The following DENND2B variants were observed in gnomAD, a reference collection of about 807,000 sequenced individuals.
The protein encoded by DENND2B is DENN domain-containing protein 2B.
DENND2B carries 32 observed loss-of-function variants against 116.0 expected under a neutral mutation model. The observed-to-expected ratio is 0.28, with a 90% CI of 0.21 to 0.37. The LOEUF (loss-of-function observed/expected upper bound fraction) is 0.37. DENND2B is among the 10% of genes least tolerant of loss of function. The pLI, the probability that DENND2B is intolerant of heterozygous loss-of-function variation, is 1.00. For synonymous variants in DENND2B, 588 were observed against 583.9 expected, an observed-to-expected ratio of 1.01 and a Z score of -0.10; for missense variants, 1,276 against 1,477.7, an observed-to-expected ratio of 0.86 and a Z score of 2.24.
At chr11:8,871,354 A>G (rs2063778947) in exon 1 of DENND2B, 1 of 152,156 alleles carries the variant, frequency 6.6e-6, no homozygotes, top group Non-Finnish European at 1.5e-5. Flanking sequence ...TCCGACCAAG[A>G]GTTGTCTGGG....
At chr11:8,731,262 G>C in intron 2 of DENND2B, 53 bp from the exon 3 acceptor site, 1 of 1,427,666 alleles carries the variant, frequency 7.0e-7, no homozygotes, top group Non-Finnish European at 9.3e-7. Context: ...GTGAGTGGCT[G>C]ACCAACCAGT....
chr11:8,759,903 G>C (rs2054295822), intron 1 of DENND2B, among the ~76,000 whole-genome samples: 1 of 152,186 alleles, frequency 6.6e-6, no homozygotes, highest in Non-Finnish European at 1.5e-5. Context: ...ATTCTAAGGA[G>C]CTTAACAAAT....
At chr11:8,701,905 T>G (rs2041762104) in intron 14 of DENND2B, among the ~76,000 whole-genome samples, 2 of 151,874 alleles carry the variant, frequency 1.3e-5, no homozygotes, top group Admixed American at 1.3e-4. Context: ...CTTTTCTTAC[T>G]CCTCCTAAAC....
intron 4 of DENND2B, among the ~76,000 whole-genome samples, chr11:8,719,443 T>G (rs1322173564): frequency 2.0e-5 from 3 of 152,146 alleles, no homozygotes; most frequent in African/African-American, 4.8e-5. Flanking sequence ...GGGACTGGAT[T>G]AAGTGATTCC....
rs74939145 is a variant in DENND2B, at chr11:8,786,637, C to A, written c.-26+23880G>T. On this transcript the variant is annotated intron_variant, in intron 1 of 19. Transcript: ENST00000313726. Reference sequence around the variant, plus strand: ...TCAGGCTGGGCAACATGGCAAGAACCCATCTCTACAAAAAGTTTAAAAATT... The same window carrying A: ...TCAGGCTGGGCAACATGGCAAGAACACATCTCTACAAAAAGTTTAAAAATT... Among the ~76,000 whole-genome samples, 479 of 152,214 alleles carry A rather than the reference C, an allele frequency of 3.1e-3. 4 individuals carry two copies. In the East Asian group the frequency reaches 0.047, roughly 15 times the overall value.
intron 1 of DENND2B, chr11:8,785,036 C>G (rs930614848): frequency 1.3e-5 from 2 of 152,114 alleles, no homozygotes; most frequent in East Asian, 3.9e-4. Context: ...GGATGTAGTA[C>G]CCCCTCTAAC....
At chr11:8,747,846 A>C (rs917820379) in intron 2 of DENND2B, among the ~76,000 whole-genome samples, 18 of 152,216 alleles carry the variant, frequency 1.2e-4, no homozygotes, top group Non-Finnish European at 2.2e-4. Flanking sequence ...AAGGAAAAGG[A>C]AGGGAATAAA....
chr11:8,753,794 A>G (rs1451897689), intron 1 of DENND2B, among the ~76,000 whole-genome samples: 1 of 152,206 alleles, frequency 6.6e-6, no homozygotes, highest in African/African-American at 2.4e-5. Context: ...TGCCAAGACA[A>G]TTCATGGGGA....
intron 1 of DENND2B, among the ~76,000 whole-genome samples, chr11:8,904,306 AC>A (rs1293257173): frequency 2.0e-5 from 3 of 152,328 alleles, no homozygotes; most frequent in South Asian, 2.1e-4. Context: ...CATACAAAAA[AC>A]GTCTGAAAAA....
rs188648513 is a variant in DENND2B, at chr11:8,732,164, T to C, written c.81-955A>G. On this transcript the variant is annotated intron_variant, in intron 2 of 19. Coordinates refer to ENST00000313726, the MANE Select transcript of DENND2B (RefSeq NM_213618.2). Reference sequence around the variant, plus strand: ...GCAGCTCCACCCTCCAGCAGTGGCATCACATCCAATAATTGGCATCTACCA... The same window carrying C: ...GCAGCTCCACCCTCCAGCAGTGGCACCACATCCAATAATTGGCATCTACCA... 9.4e-4 allele frequency among the ~76,000 whole-genome samples: 143 copies of C among 152,304 alleles called. 1 individual carries two copies. The highest frequency in any genetic ancestry group is 3.3e-3 in the African/African-American group (136 of 41,568).
intron 2 of DENND2B, among the ~76,000 whole-genome samples, chr11:8,865,221 G>A (rs529636749): frequency 1.4e-4 from 22 of 152,238 alleles, no homozygotes; most frequent in African/African-American, 5.1e-4. Flanking sequence ...GTGCAATCTC[G>A]CAAAGGCTGG....
intron 4 of DENND2B, among the ~76,000 whole-genome samples, chr11:8,838,758 T>C (rs2062521331): frequency 6.6e-6 from 1 of 152,212 alleles, no homozygotes; most frequent in Non-Finnish European, 1.5e-5. Flanking sequence ...TAAATGGGAA[T>C]GTTATCTAAG....
intron 18 of DENND2B, 98 bp from the exon 19 acceptor site, chr11:8,695,647 A>C (rs1320444004): frequency 9.7e-7 from 1 of 1,030,074 alleles, no homozygotes; most frequent in Non-Finnish European, 1.5e-6. Context: ...ATGCCAAAAA[A>C]GGAGAAAGAA....
chr11:8,811,851 A>G (rs1480863330), upstream of DENND2B, among the ~76,000 whole-genome samples: 2 of 152,170 alleles, frequency 1.3e-5, no homozygotes, highest in Admixed American at 1.3e-4. Flanking sequence ...CTCCTGCCTC[A>G]GCCTCTGAAG....
rs115437023 is a variant in DENND2B at position 8,724,927 on chromosome 11, G to T, written c.1477+1146C>A. On this transcript the variant is annotated intron_variant, in intron 4 of 19. Coordinates refer to ENST00000313726, the MANE Select transcript of DENND2B (RefSeq NM_213618.2). The stretch of plus-strand genomic sequence containing the variant: ...CGCTTGGGCTCCCCAGCTGGGACAT[G>T]GACCTGCAGTGTGTGCAGCTTCCAC... Among the ~76,000 whole-genome samples the T allele has an allele frequency of 5.8e-3, 890 of 152,330 alleles. 9 individuals carry two copies. Among genetic ancestry groups the T allele is most frequent in the African/African-American group, 0.02 (832 of 41,572 alleles).
Position 8,822,749 on chromosome 11 carries a change from C to A in DENND2B, c.-114-11414G>T, listed in dbSNP as rs112324820. ...TCTTTTGTTTTTCCTCCTTTCCCTA[C>A]CAAGCTATTGTTCATTCCCTTACAT... On this transcript the variant is annotated intron_variant, in intron 4 of 6. Transcript: ENST00000524757. Among the ~76,000 whole-genome samples, 264 of 152,322 alleles carry A rather than the reference C, an allele frequency of 1.7e-3. 1 individual carries two copies. Among genetic ancestry groups the A allele is most frequent in the African/African-American group, 6.2e-3 (256 of 41,568 alleles).
intron 2 of DENND2B, among the ~76,000 whole-genome samples, chr11:8,859,517 C>T (rs1389553658): frequency 1.3e-5 from 2 of 151,992 alleles, no homozygotes; most frequent in East Asian, 3.9e-4. Context: ...ACCATGTTAG[C>T]CAGGATGGTC....
At chr11:8,708,328 C>T in intron 11 of DENND2B, 4 of 985,428 alleles carry the variant, frequency 4.1e-6, no homozygotes, top group Non-Finnish European at 4.8e-6. Flanking sequence ...CTTGATCCAC[C>T]TCCATTCTAA....
At chr11:8,864,641 A>G (rs950000242) in intron 2 of DENND2B, among the ~76,000 whole-genome samples, 1 of 152,200 alleles carries the variant, frequency 6.6e-6, no homozygotes, top group Non-Finnish European at 1.5e-5. Context: ...TTCACTGAAG[A>G]AAGGTAATAA....
Sources: allele counts gnomAD v4.1 joint callset (sites outside exome capture counted in the v4.1 genomes callset), GRCh38; gene constraint gnomAD v4.1.1; transcripts MANE v1.5; gene names NCBI Gene and HGNC (gene_info 2026-07-23, HGNC 2026-07-21).